RBFOX1: variants seen among roughly 807,000 people sequenced by gnomAD.
RBFOX1 encodes the protein RNA binding fox-1 homolog 1, also known as RNA binding protein fox-1 homolog 1.
Under a neutral mutation model 57.7 loss-of-function variants are expected in RBFOX1, and 8 were observed. The observed-to-expected ratio is 0.14, with a 90% CI of 0.08 to 0.25. The LOEUF (loss-of-function observed/expected upper bound fraction) is 0.25. RBFOX1 is among the 10% of genes least tolerant of loss of function. RBFOX1 has a pLI of 1.00. For missense variants in RBFOX1, 611 were observed against 548.5 expected (o/e 1.11, Z -1.14); for synonymous variants, 326 against 222.4 (o/e 1.47, Z -4.15).
intron 4 of RBFOX1, among the ~76,000 whole-genome samples, chr16:5,921,627 T>A (rs562993556): frequency 2.6e-5 from 4 of 152,170 alleles, no homozygotes; most frequent in Non-Finnish European, 5.9e-5. Context: ...GTTAGGTGGT[T>A]CTTGCGTTGC....
intron 3 of RBFOX1, among the ~76,000 whole-genome samples, chr16:5,804,602 C>T (rs1044453708): frequency 5.3e-5 from 8 of 152,076 alleles, no homozygotes; most frequent in African/African-American, 1.4e-4. Flanking sequence ...GGGACCTGCC[C>T]TCTGTGTGCT....
chr16:5,904,953 G>A (rs370160543), intron 4 of RBFOX1, among the ~76,000 whole-genome samples: 7,036 of 141,582 alleles, frequency 0.05, 229 homozygotes, highest in African/African-American at 0.07. Flanking sequence ...CTCCAGCCTG[G>A]GCGACAGAGC....
chr16:5,943,583 A>G (rs2059325624), intron 4 of RBFOX1, among the ~76,000 whole-genome samples: 1 of 152,016 alleles, frequency 6.6e-6, no homozygotes, highest in Non-Finnish European at 1.5e-5. Context: ...TATGTCACTA[A>G]CTCTTTGGGT....
chr16:7,319,553 T>A (rs887787886), intron 4 of RBFOX1, among the ~76,000 whole-genome samples: 59 of 152,156 alleles, frequency 3.9e-4, no homozygotes, highest in African/African-American at 1.4e-3. Flanking sequence ...CAGTGGGATT[T>A]CTCTGGAAGG....
chr16:6,209,085 A>G (rs2097274707), intron 1 of RBFOX1, among the ~76,000 whole-genome samples: 1 of 152,178 alleles, frequency 6.6e-6, no homozygotes, highest in Non-Finnish European at 1.5e-5. Context: ...TTTTGAGAAG[A>G]GGAGAGGACA....
At chr16:5,667,025 A>C (rs545851172) in intron 3 of RBFOX1, among the ~76,000 whole-genome samples, 13 of 152,264 alleles carry the variant, frequency 8.5e-5, no homozygotes, top group East Asian at 3.9e-4. Context: ...GGAGTCCTCA[A>C]ATTTCATTTG....
chr16:5,321,277 C>G (rs1431175874), intron 1 of RBFOX1, among the ~76,000 whole-genome samples: 3 of 151,994 alleles, frequency 2.0e-5, no homozygotes, highest in East Asian at 3.9e-4. Flanking sequence ...AAAATTGACA[C>G]TGGATGATCA....
chr16:6,127,068 A>G (rs1378801406), intron 1 of RBFOX1, among the ~76,000 whole-genome samples: 1 of 152,188 alleles, frequency 6.6e-6, no homozygotes, highest in Non-Finnish European at 1.5e-5. Flanking sequence ...CTGGACCCAC[A>G]TCCATGGGAA....
chr16:7,286,070 C>T (rs561298597), intron 4 of RBFOX1, among the ~76,000 whole-genome samples: 55 of 152,224 alleles, frequency 3.6e-4, no homozygotes, highest in African/African-American at 1.3e-3. Context: ...ATTCTTAGAA[C>T]ATAATTTACC....
At chr16:7,384,968 G>C (rs1460013416) in intron 4 of RBFOX1, among the ~76,000 whole-genome samples, 1 of 152,320 alleles carries the variant, frequency 6.6e-6, no homozygotes, top group East Asian at 1.9e-4. Flanking sequence ...GAAGAGGTAA[G>C]TTGACATTTA....
chr16:6,595,223 C>G (rs2097765381), intron 2 of RBFOX1, among the ~76,000 whole-genome samples: 1 of 152,138 alleles, frequency 6.6e-6, no homozygotes, highest in African/African-American at 2.4e-5. Flanking sequence ...CACCCTTACC[C>G]CACCCTGTAG....
intron 3 of RBFOX1, among the ~76,000 whole-genome samples, chr16:5,806,123 C>G (rs2055218117): frequency 6.6e-6 from 1 of 152,168 alleles, no homozygotes; most frequent in South Asian, 2.1e-4. Context: ...TACTAGCAGA[C>G]CTGCCTTCCC....
intron 3 of RBFOX1, among the ~76,000 whole-genome samples, chr16:6,975,302 G>T (rs1176959845): frequency 6.6e-6 from 1 of 151,744 alleles, no homozygotes; most frequent in Non-Finnish European, 1.5e-5. Flanking sequence ...GTCTCATTCT[G>T]TCACCCAGGC....
intron 3 of RBFOX1, among the ~76,000 whole-genome samples, chr16:5,641,940 A>T (rs1335524330): frequency 2.0e-5 from 3 of 152,188 alleles, no homozygotes; most frequent in Admixed American, 2.0e-4. Flanking sequence ...TTTCACTAAA[A>T]TGCAGATTCA....
intron 3 of RBFOX1, among the ~76,000 whole-genome samples, chr16:6,944,433 A>G (rs1056292109): frequency 1.3e-5 from 2 of 151,878 alleles, no homozygotes; most frequent in African/African-American, 4.8e-5. Context: ...AAGAAAAAAG[A>G]AGACCACACC....
intron 1 of RBFOX1, among the ~76,000 whole-genome samples, chr16:6,301,768 A>G (rs112036445): frequency 6.8e-4 from 104 of 152,338 alleles, no homozygotes; most frequent in Non-Finnish European, 1.2e-3. Context: ...ATATGCTTCT[A>G]CTAGATCTGG....
At chr16:7,153,686 G>A (rs563559465) in intron 4 of RBFOX1, among the ~76,000 whole-genome samples, 1 of 143,920 alleles carries the variant, frequency 6.9e-6, no homozygotes, top group East Asian at 2.1e-4. Context: ...GAAGTCGGAG[G>A]TTGCATTGAA....
intron 2 of RBFOX1, among the ~76,000 whole-genome samples, chr16:5,516,972 AC>A (rs1331395633): frequency 6.6e-6 from 1 of 151,466 alleles, no homozygotes; most frequent in African/African-American, 2.4e-5. Context: ...ACGAGCTAAT[AC>A]GACTCTTCTC....
At chr16:7,670,891 C>T (rs2071206977) in intron 13 of RBFOX1, among the ~76,000 whole-genome samples, 1 of 152,192 alleles carries the variant, frequency 6.6e-6, no homozygotes, top group Admixed American at 6.5e-5. Flanking sequence ...CACAAGGATT[C>T]TACAGAGACC....
Sources: gnomAD v4.1 joint callset for allele counts (sites outside exome capture counted in the v4.1 genomes callset) on GRCh38, gnomAD v4.1.1 for gene constraint, MANE v1.5 for transcripts, NCBI Gene and HGNC (gene_info 2026-07-23, HGNC 2026-07-21) for gene names.